LYG2: variants seen among roughly 807,000 people sequenced by gnomAD.
The protein encoded by LYG2 is lysozyme g2.
In LYG2, 25 loss-of-function variants were observed where a neutral mutation model predicts 22.4. The ratio of observed to expected loss-of-function variants is 1.12; its 90% CI spans 0.81 to 1.56. The LOEUF (loss-of-function observed/expected upper bound fraction) is 1.56, where lower values mean the gene tolerates loss of function less well. Among genes scored for constraint, LYG2 ranks in the 40% most tolerant of loss-of-function variants. LYG2 has a pLI of 0.00. For missense variants in LYG2, 266 were observed against 269.5 expected (o/e 0.99, Z 0.09); for synonymous variants, 88 against 97.0 (o/e 0.91, Z 0.55).
intron 3 of LYG2, 141 bp from the exon 4 acceptor site, chr2:99,246,961 CAG>C: frequency 1.3e-6 from 1 of 756,456 alleles, no homozygotes; most frequent in East Asian, 2.7e-5. Flanking sequence ...GTTCCTCAGA[CAG>C]AAGTTCCCCA....
In LYG2 at chr2:99,252,965, T is replaced by A. The variant is rs962183642; in HGVS notation, c.43+1253A>T. ...GGGAGGCTGAGGCAGAAGAATGGTA[T>A]GAACCCAGGAGGCAGAGCTTGCAGT... On this transcript the variant is annotated intron_variant, in intron 3 of 6. Coordinates refer to ENST00000333017, the MANE Select transcript of LYG2 (RefSeq NM_175735.4). 2.1e-5 allele frequency among the ~76,000 whole-genome samples: 3 copies of A among 145,596 alleles called. No homozygotes were observed. In the Admixed American group the frequency reaches 2.2e-4, roughly 11 times the overall value.
intron 6 of LYG2, chr2:99,243,491 C>CAGAT (rs36096004): frequency 0.3 from 384,414 of 1,298,630 alleles, 47,850 homozygotes; most frequent in East Asian, 0.33. Flanking sequence ...GGTAGGCAAA[C>CAGAT]AGATAGATAG....
At chr2:99,251,180 G>T (rs1021993622) in intron 3 of LYG2, among the ~76,000 whole-genome samples, 1 of 152,070 alleles carries the variant, frequency 6.6e-6, no homozygotes, top group Non-Finnish European at 1.5e-5. Context: ...TTGGAACCAT[G>T]TAAATGTTAT....
chr2:99,242,591 TC>T, intron 6 of LYG2, 109 bp from the exon 7 acceptor site: 1 of 629,150 alleles, frequency 1.6e-6, no homozygotes, highest in Non-Finnish European at 2.7e-6. Flanking sequence ...AAGCAGGCAG[TC>T]CCAAATCCTC....
At chr2:99,245,902 G>T (rs2094015357) in intron 4 of LYG2, among the ~76,000 whole-genome samples, 1 of 152,168 alleles carries the variant, frequency 6.6e-6, no homozygotes, top group African/African-American at 2.4e-5. Context: ...GAGGTCAGGA[G>T]CTCAAGACTA....
chr2:99,243,562 G>A, intron 6 of LYG2: 1 of 1,359,766 alleles, frequency 7.4e-7, no homozygotes, highest in Non-Finnish European at 1.0e-6. Flanking sequence ...GAGAGATGGG[G>A]TCTCACTCTG....
chr2:99,245,552 C>T, intron 4 of LYG2, 94 bp from the exon 5 acceptor site: 1 of 682,180 alleles, frequency 1.5e-6, no homozygotes, highest in Non-Finnish European at 2.2e-6. Context: ...AGGAGGATTG[C>T]TTGAACCCAG....
rs776698572 is a variant in LYG2, at chr2:99,242,361, T to G, written c.*3A>C. Reference sequence around the variant, plus strand: ...CCAACCTGGCCCACCCACAGAGCTTTGCCTAGAAGCTTTGTCTTTTATAGA... The same window carrying G: ...CCAACCTGGCCCACCCACAGAGCTTGGCCTAGAAGCTTTGTCTTTTATAGA... On this transcript the variant is annotated 3_prime_UTR_variant, in exon 7 of 7. Coordinates refer to ENST00000333017, the MANE Select transcript of LYG2 (RefSeq NM_175735.4). 1.3e-6 allele frequency: 2 copies of G among 1,599,672 alleles called. No homozygotes were observed. The highest frequency in any genetic ancestry group is 3.3e-4 in the Middle Eastern group (2 of 6,002).
At chr2:99,255,973 A>G (rs2094035697), upstream of LYG2, among the ~76,000 whole-genome samples, 1 of 152,170 alleles carries the variant, frequency 6.6e-6, no homozygotes, top group East Asian at 1.9e-4. Flanking sequence ...CGTTCTTGAA[A>G]CAGGCAAAGC....
chr2:99,250,536 G>A (rs766199967), intron 3 of LYG2, among the ~76,000 whole-genome samples: 13 of 152,120 alleles, frequency 8.5e-5, no homozygotes, highest in Admixed American at 5.9e-4. Context: ...CATCACACCC[G>A]GCTAATTTTT....
chr2:99,248,551 G>A (rs1450715881), intron 3 of LYG2, among the ~76,000 whole-genome samples: 2 of 148,424 alleles, frequency 1.3e-5, no homozygotes, highest in East Asian at 4.0e-4. Flanking sequence ...CATGGACACA[G>A]GAAGGGGAAC....
Position 99,245,439 on chromosome 2 carries a change from C to T in LYG2, c.204G>A (p.Met68Ile). 1 of 1,607,244 alleles carries T rather than the reference C, an allele frequency of 6.2e-7. No homozygotes were observed. The highest frequency in any genetic ancestry group is 1.3e-5 in the African/African-American group (1 of 74,658). ...TGGCCCTCAAATCCATCTCAGCAAA[C>T]ATTTCAGAACCACGGATCCCTACGT... ...VMNCGIRGSE[M>I]FAEMDLRAIK... The change falls in exon 5 of 7, where the codon ATG becomes ATA. Residue 68 changes from methionine (M) to isoleucine (I), a missense_variant. By Grantham distance (10) the Met-to-Ile change is conservative. Coordinates refer to ENST00000333017, the MANE Select transcript of LYG2 (RefSeq NM_175735.4).
chr2:99,260,566 G>A (rs151180805), upstream of LYG2, among the ~76,000 whole-genome samples: 2 of 152,182 alleles, frequency 1.3e-5, no homozygotes, highest in African/African-American at 2.4e-5. Flanking sequence ...CACTATACCT[G>A]TGATGGAGAG....
At chr2:99,258,033 C>A (rs1180048411), upstream of LYG2, among the ~76,000 whole-genome samples, 2 of 152,208 alleles carry the variant, frequency 1.3e-5, no homozygotes, top group African/African-American at 2.4e-5. Flanking sequence ...AGGAATCCAG[C>A]ACCTCAGGCT....
intron 3 of LYG2, 72 bp downstream of exon 3, chr2:99,254,146 C>CAGAA (rs1553520988): frequency 7.5e-7 from 1 of 1,335,582 alleles, no homozygotes; most frequent in Non-Finnish European, 1.1e-6. Flanking sequence ...ATTGCTCTTT[C>CAGAA]TGATTCATGA....
At chr2:99,247,256 C>A (rs932639113) in intron 3 of LYG2, among the ~76,000 whole-genome samples, 1 of 151,984 alleles carries the variant, frequency 6.6e-6, no homozygotes, top group African/African-American at 2.4e-5. Flanking sequence ...CCAGGACTGG[C>A]TTATTTTCTC....
At chr2:99,246,983 T>A (rs1374791464) in intron 3 of LYG2, among the ~76,000 whole-genome samples, 163 bp from the exon 4 acceptor site, 2 of 152,280 alleles carry the variant, frequency 1.3e-5, no homozygotes, top group African/African-American at 4.8e-5. Flanking sequence ...ATGCCCACTC[T>A]GCTCCGATCT....
At chr2:99,243,543 T>C (rs1037932294) in intron 6 of LYG2, 1 of 1,430,158 alleles carries the variant, frequency 7.0e-7, no homozygotes, top group Non-Finnish European at 9.4e-7. Context: ...GATAGATAAA[T>C]TTTTTTTTGA....
At position 99,246,687 on chromosome 2, in the gene LYG2, C is replaced by T. The variant is rs1458547122; in HGVS notation, c.177G>A (p.Met59Ile). ...SGATCDANSVMNCGIRGSEMF... is the reference protein window; with the variant it reads ...SGATCDANSVINCGIRGSEMF... ...GCTCTGCTTTTCACTTACCGCAGTT[C>T]ATCACACTGTTTGCATCACAAGTGG... The change falls in exon 4 of 7, where the codon ATG (methionine) becomes ATA (isoleucine). Residue 59 changes from methionine to isoleucine, a missense_variant. Physicochemically the swap from Met to Ile is conservative, Grantham distance 10. Transcript: ENST00000333017. 6.2e-7 allele frequency: 1 copy of T among 1,612,920 alleles called. No individual in the cohort carries two copies.
Sources: allele counts gnomAD v4.1 joint callset (sites outside exome capture counted in the v4.1 genomes callset), GRCh38; gene constraint gnomAD v4.1.1; transcripts MANE v1.5; gene names NCBI Gene and HGNC (gene_info 2026-07-23, HGNC 2026-07-21).